The following ABI3BP variants were observed in gnomAD, a reference collection of about 807,000 sequenced individuals.
ABI3BP encodes the protein ABI family member 3 binding protein, also known as target of Nesh-SH3.
In ABI3BP, 216 loss-of-function variants were observed where a neutral mutation model predicts 268.6. The ratio of observed to expected loss-of-function variants is 0.80; its 90% CI spans 0.72 to 0.90. The LOEUF is 0.90. Ranked by LOEUF, ABI3BP falls within the 40% of genes least tolerant of loss-of-function variation. ABI3BP has a pLI of 0.00. For missense variants in ABI3BP, 2,090 were observed against 2,182.4 expected, an observed-to-expected ratio of 0.96 and a Z score of 0.84; for synonymous variants, 730 against 730.0, an observed-to-expected ratio of 1.00 and a Z score of 0.00.
At chr3:100,784,997 T>G (rs143288855) in intron 57 of ABI3BP, among the ~76,000 whole-genome samples, 1 of 152,108 alleles carries the variant, frequency 6.6e-6, no homozygotes, top group African/African-American at 2.4e-5. Context: ...AATTCATCCA[T>G]GTAACAAAAA....
chr3:100,879,456 T>C (rs556431797), intron 6 of ABI3BP, among the ~76,000 whole-genome samples: 1 of 152,362 alleles, frequency 6.6e-6, no homozygotes, highest in South Asian at 2.1e-4. Context: ...CTTTCCAAGA[T>C]ACTTAACACA....
intron 55 of ABI3BP, among the ~76,000 whole-genome samples, chr3:100,790,166 C>A (rs1463013600): frequency 1.3e-5 from 2 of 151,942 alleles, no homozygotes; most frequent in African/African-American, 2.4e-5. Flanking sequence ...CCAGGACCTG[C>A]ACAGAAAGGC....
intron 19 of ABI3BP, among the ~76,000 whole-genome samples, chr3:100,847,380 A>G (rs1178022951): frequency 6.6e-6 from 1 of 152,220 alleles, no homozygotes; most frequent in Non-Finnish European, 1.5e-5. Flanking sequence ...AAGCTGACAC[A>G]GAATGACATC....
intron 1 of ABI3BP, among the ~76,000 whole-genome samples, chr3:100,955,243 A>G (rs2153792337): frequency 6.6e-6 from 1 of 152,284 alleles, no homozygotes; most frequent in African/African-American, 2.4e-5. Flanking sequence ...TCCCTGACAG[A>G]GATCCAAGTA....
At chr3:100,991,234 A>C (rs533404462) in intron 1 of ABI3BP, among the ~76,000 whole-genome samples, 22 of 152,218 alleles carry the variant, frequency 1.4e-4, no homozygotes, top group Admixed American at 9.2e-4. Flanking sequence ...CCACTTCTTA[A>C]GTCACAAATA....
At chr3:100,910,108 G>A (rs986744134) in intron 2 of ABI3BP, among the ~76,000 whole-genome samples, 16 of 152,192 alleles carry the variant, frequency 1.1e-4, no homozygotes, top group East Asian at 5.8e-4. Flanking sequence ...TGTCCTTTGC[G>A]GGGACATGGA....
rs773623130 is a variant in ABI3BP at position 100,874,835 on chromosome 3, G to GT, written c.910+5_910+6insA. 2.2e-4 allele frequency: 339 copies of GT among 1,566,400 alleles called. No homozygotes were observed. The highest frequency in any genetic ancestry group is 2.6e-4 in the Non-Finnish European group (299 of 1,149,112). ...CAAAGTTCAAATACAAAACTTTTCTGCTTACCTAATTGTGTCTTGAGTGCA... is the reference window on the plus strand; with the variant it reads ...CAAAGTTCAAATACAAAACTTTTCTGTCTTACCTAATTGTGTCTTGAGTGCA... On this transcript the variant is annotated splice_donor_region_variant and intron_variant, in intron 9 of 67. Transcript: ENST00000471714.
At chr3:100,868,858 G>GTT (rs3031644) in intron 9 of ABI3BP, among the ~76,000 whole-genome samples, 83,513 of 151,344 alleles carry the variant, frequency 0.55, 23,908 homozygotes, top group Non-Finnish European at 0.63. Flanking sequence ...AATTTTATCA[G>GTT]TTTTTTTTCT....
chr3:100,846,132 A>C (rs2098764929), intron 20 of ABI3BP, among the ~76,000 whole-genome samples: 2 of 152,194 alleles, frequency 1.3e-5, no homozygotes, highest in South Asian at 4.1e-4. Context: ...GGAGTTCGCA[A>C]TCATTCATAT....
intron 61 of ABI3BP, among the ~76,000 whole-genome samples, chr3:100,772,312 G>A (rs1219208379): frequency 3.3e-5 from 5 of 152,160 alleles, no homozygotes; most frequent in Admixed American, 6.5e-5. Context: ...GATGAAAAGC[G>A]CAGTGACAGT....
In ABI3BP at chr3:100,752,795, G is replaced by GAGTC; in HGVS notation, c.5110_5113dup (p.Ser1705Ter). 1 of 1,612,750 alleles carries GAGTC rather than the reference G, an allele frequency of 6.2e-7. No homozygotes were observed. Among genetic ancestry groups the GAGTC allele is most frequent in the Non-Finnish European group, 8.5e-7 (1 of 1,179,578 alleles). ...CTGGTAGCTCTGCTTACCTGTGAGG[G>GAGTC]AGTCGCTCAAGTAAATCTTGTATCT... On this transcript the variant is annotated stop_gained and frameshift_variant, in exon 66 of 68. Coordinates refer to ENST00000471714, the MANE Select transcript of ABI3BP (RefSeq NM_001375547.2). LOFTEE classifies it high-confidence loss of function.
chr3:100,870,707 A>C (rs959232989), intron 9 of ABI3BP, among the ~76,000 whole-genome samples: 1 of 152,228 alleles, frequency 6.6e-6, no homozygotes, highest in Non-Finnish European at 1.5e-5. Context: ...ATACGTCCAA[A>C]GGAAATGAAA....
At chr3:100,932,285 A>G (rs2063904494) in intron 1 of ABI3BP, among the ~76,000 whole-genome samples, 1 of 152,064 alleles carries the variant, frequency 6.6e-6, no homozygotes, top group Non-Finnish European at 1.5e-5. Context: ...TTCTGGACAT[A>G]GGCCTTCGCA....
intron 61 of ABI3BP, among the ~76,000 whole-genome samples, chr3:100,773,077 C>CAAAAAAAAAAAA (rs563600769): frequency 3.4e-5 from 2 of 58,130 alleles, no homozygotes; most frequent in Admixed American, 1.6e-4. Context: ...GAGTCCATCT[C>CAAAAAAAAAAAA]AAAAAAAAAA....
At chr3:100,833,054 A>G in intron 30 of ABI3BP, 71 bp downstream of exon 30, 2 of 1,307,636 alleles carry the variant, frequency 1.5e-6, no homozygotes, top group Admixed American at 2.1e-5. Flanking sequence ...ACAATAGCCT[A>G]TATAGCACCA....
chr3:100,868,430 T>G (rs946031923), intron 9 of ABI3BP, among the ~76,000 whole-genome samples: 1 of 152,238 alleles, frequency 6.6e-6, no homozygotes, highest in African/African-American at 2.4e-5. Context: ...ACTTTAATTT[T>G]CACACTCAAA....
chr3:100,888,396 G>A (rs908103359), intron 4 of ABI3BP, among the ~76,000 whole-genome samples: 1 of 152,064 alleles, frequency 6.6e-6, no homozygotes, highest in Non-Finnish European at 1.5e-5. Flanking sequence ...TTAGAGAAAT[G>A]TTAAGAAGCT....
Position 100,902,698 on chromosome 3 carries a change from A to T in ABI3BP, c.260-12T>A, listed in dbSNP as rs368942524. The T allele has an allele frequency of 1.9e-6, 3 of 1,612,498 alleles. No homozygotes were observed. The highest frequency in any genetic ancestry group is 2.5e-6 in the Non-Finnish European group (3 of 1,179,054). On this transcript the variant is annotated splice_polypyrimidine_tract_variant and intron_variant, in intron 2 of 67. Coordinates refer to ENST00000471714, the MANE Select transcript of ABI3BP (RefSeq NM_001375547.2). ...TTTCGGCTCTGCATCTGGAAGCAATAACATTATTTATCAGAAAAACCCTTT... is the reference window on the plus strand; with the variant it reads ...TTTCGGCTCTGCATCTGGAAGCAATTACATTATTTATCAGAAAAACCCTTT...
intron 55 of ABI3BP, among the ~76,000 whole-genome samples, chr3:100,790,379 T>G (rs916033261): frequency 6.6e-6 from 1 of 152,020 alleles, no homozygotes; most frequent in Non-Finnish European, 1.5e-5. Context: ...CTTGGTAATG[T>G]TTTTGGAAAA....
Sources: allele counts gnomAD v4.1 joint callset (sites outside exome capture counted in the v4.1 genomes callset), GRCh38; gene constraint gnomAD v4.1.1; transcripts MANE v1.5; gene names NCBI Gene and HGNC (gene_info 2026-07-23, HGNC 2026-07-21).